The following GSS variants were observed in gnomAD, a reference collection of about 807,000 sequenced individuals.
The protein encoded by GSS is GSH synthetase.
A neutral mutation model predicts 60.4 loss-of-function variants in GSS; 34 were observed. That is an observed-to-expected ratio of 0.56 (90% CI 0.43 to 0.75). GSS has a LOEUF of 0.75. GSS is among the 30% of genes least tolerant of loss of function. GSS has a pLI of 0.00. For missense variants in GSS, 499 were observed against 595.1 expected, an observed-to-expected ratio of 0.84 and a Z score of 1.68; for synonymous variants, 224 against 239.0, an observed-to-expected ratio of 0.94 and a Z score of 0.58.
chr20:34,928,888 C>T lies in GSS; in HGVS notation c.1365G>A (p.Glu455=). 1 of 1,613,972 alleles carries T rather than the reference C, an allele frequency of 6.2e-7. No homozygotes were observed. The highest frequency in any genetic ancestry group is 8.5e-7 in the Non-Finnish European group (1 of 1,179,954). ...VGHLLRTKAI[E]HADGGVAAGV... is the part of the protein sequence containing the mutation. ...CCGCTGCCACACCACCATCTGCATG[C>T]TCGATGGCTTTGGTTCGAAGTAGAT... Residue 455 remains glutamate (E), a synonymous_variant, in exon 13 of 13, where the codon GAG becomes GAA. Coordinates refer to ENST00000651619, the MANE Select transcript of GSS (RefSeq NM_000178.4).
intron 2 of GSS, among the ~76,000 whole-genome samples, chr20:34,947,091 A>G (rs2081528519): frequency 6.6e-6 from 1 of 151,896 alleles, no homozygotes; most frequent in Admixed American, 6.6e-5. Flanking sequence ...TTTTTAAAGT[A>G]CTATTTTTTT....
rs150405875 is a variant in GSS at position 34,936,805 on chromosome 20, A to G, written c.725T>C (p.Ile242Thr). The G allele has an allele frequency of 1.2e-5, 20 of 1,613,966 alleles. No homozygotes were observed. The highest frequency in any genetic ancestry group is 3.3e-5 in the Admixed American group (2 of 59,986). The stretch of plus-strand genomic sequence containing the variant: ...TTGGTCCAGAGACCCCTTTTCAGAG[A>G]TATCTTCAAATGTTCGTCGGATCAC... ...IHVIRRTFEDISEKGSLDQDR... is the reference protein window; with the variant it reads ...IHVIRRTFEDTSEKGSLDQDR... Residue 242 changes from isoleucine (I) to threonine (T), a missense_variant, in exon 8 of 13, where the codon ATC (isoleucine) becomes ACC (threonine). Coordinates refer to ENST00000651619, the MANE Select transcript of GSS (RefSeq NM_000178.4).
At chr20:34,929,620 C>A (rs1312674942) in intron 11 of GSS, 30 bp from the exon 12 acceptor site, 1 of 1,591,254 alleles carries the variant, frequency 6.3e-7, no homozygotes, top group South Asian at 1.1e-5. Flanking sequence ...TCACCCTGGA[C>A]CCTCTGCCTA....
chr20:34,928,821 T>G lies in GSS; in HGVS notation c.*7A>C. The G allele has an allele frequency of 1.2e-6, 2 of 1,614,076 alleles. No individual in the cohort carries two copies. The highest frequency in any genetic ancestry group is 2.2e-5 in the South Asian group (2 of 91,080). ...AGGATAGAAGGTCCCGTGGCCTGGT[T>G]GTGCCCTCACACAGGGTATGGGTTG... On this transcript the variant is annotated 3_prime_UTR_variant, in exon 13 of 13. Coordinates refer to ENST00000651619, the MANE Select transcript of GSS (RefSeq NM_000178.4).
At position 34,941,714 on chromosome 20, in the gene GSS, T is replaced by G; in HGVS notation, c.607A>C (p.Asn203His). The G allele has an allele frequency of 6.5e-7, 1 of 1,545,806 alleles. No individual in the cohort carries two copies. Among genetic ancestry groups the G allele is most frequent in the South Asian group, 1.1e-5 (1 of 89,722 alleles). Residue 203 changes from asparagine to histidine, a missense_variant and splice_region_variant, in exon 6 of 13, where the codon AAT becomes CAT. Transcript: ENST00000651619. ...CCTGCTACCTTTTCACACCCTTACT[T>G]GGGTGAGCCGTAGAGCTCCCAGGCT... is the stretch of plus-strand genomic sequence containing the variant. ...AKAWELYGSP[N>H]ALVLLIAQEK...
intron 2 of GSS, chr20:34,951,503 C>A: frequency 3.6e-6 from 2 of 561,266 alleles, no homozygotes; most frequent in Admixed American, 3.1e-5. Flanking sequence ...CAGCTGAGAG[C>A]GGTTAAGTAA....
chr20:34,939,675 T>G (rs1318325128), intron 6 of GSS, among the ~76,000 whole-genome samples: 1 of 148,798 alleles, frequency 6.7e-6, no homozygotes, highest in African/African-American at 2.5e-5. Flanking sequence ...TGTTTTTTGT[T>G]TTTTTTTTTT....
intron 1 of GSS, 124 bp from the exon 2 acceptor site, chr20:34,951,984 G>C (rs1404395760): frequency 2.2e-6 from 2 of 919,538 alleles, no homozygotes; most frequent in East Asian, 5.0e-5. Context: ...GAACAGCGTG[G>C]TATACAGGAG....
intron 1 of GSS, among the ~76,000 whole-genome samples, chr20:34,954,029 G>A (rs1056349029): frequency 6.6e-6 from 1 of 152,220 alleles, no homozygotes; most frequent in South Asian, 2.1e-4. Flanking sequence ...TTTATAGGTA[G>A]GAGGAGACTT....
rs950173414 is a variant in GSS at position 34,929,439 on chromosome 20, C to A, written c.1263G>T (p.Gln421His). The A allele has an allele frequency of 6.2e-7, 1 of 1,614,210 alleles. No individual in the cohort carries two copies. The highest frequency in any genetic ancestry group is 1.1e-5 in the South Asian group (1 of 91,084). The change falls in exon 12 of 13, where the codon CAG (glutamine) becomes CAT (histidine). Residue 421 changes from glutamine (Q) to histidine (H), a missense_variant. Coordinates refer to ENST00000651619, the MANE Select transcript of GSS (RefSeq NM_000178.4). ...CAAAGATGCCCAGCTCTGAAATGCA[C>A]TGGACCACTCGGGCAGGGCTGCCAG... ...LRPGSPARVV[Q>H]CISELGIFGV...
chr20:34,932,226 T>A (rs2081407775), intron 9 of GSS, 93 bp from the exon 10 acceptor site: 2 of 964,628 alleles, frequency 2.1e-6, no homozygotes, highest in Admixed American at 1.7e-5. Flanking sequence ...GGTATCATGA[T>A]TTGTATCTTC....
rs1042104616 is a variant in GSS, at chr20:34,947,052, G to A, written c.130-954C>T. ...TGTCATTATGGTGGTATAAGTTTAC[G>A]GTGTTAGAACTTGGTATTTAGATAT... On this transcript the variant is annotated intron_variant, in intron 2 of 12. Coordinates refer to ENST00000651619, the MANE Select transcript of GSS (RefSeq NM_000178.4). Among the ~76,000 whole-genome samples, 6 of 151,958 alleles carry A rather than the reference G, an allele frequency of 3.9e-5. No individual in the cohort carries two copies. In the East Asian group the frequency reaches 9.6e-4, roughly 24 times the overall value.
chr20:34,930,979 C>T (rs1398207069), intron 11 of GSS, among the ~76,000 whole-genome samples: 1 of 152,100 alleles, frequency 6.6e-6, no homozygotes, highest in Non-Finnish European at 1.5e-5. Context: ...TAAAAAAATC[C>T]TCTCCTCTGG....
rs1421417764 is a variant in GSS, at chr20:34,929,665, C to A, written c.1112-75G>T. The A allele has an allele frequency of 2.3e-6, 3 of 1,317,360 alleles. No homozygotes were observed. In the Admixed American group the frequency reaches 5.0e-5, roughly 22 times the overall value. The allele number at this position is 1,317,360 out of a possible 1,614,324, so 81.6% of individuals were successfully genotyped here. On this transcript the variant is annotated intron_variant, in intron 11 of 12. Coordinates refer to ENST00000651619, the MANE Select transcript of GSS (RefSeq NM_000178.4). ...TCCCATGCCCTCACTTTTGGGGCCACATGGGCAAGTCAGCAGCCTCAGTTC... is the reference window on the plus strand; with the variant it reads ...TCCCATGCCCTCACTTTTGGGGCCAAATGGGCAAGTCAGCAGCCTCAGTTC...
At chr20:34,937,605 T>C (rs1569012120) in intron 6 of GSS, among the ~76,000 whole-genome samples, 1 of 152,180 alleles carries the variant, frequency 6.6e-6, no homozygotes, top group Non-Finnish European at 1.5e-5. Context: ...TCCTATAATG[T>C]ACACAGGGCC....
chr20:34,946,155 T>A, intron 2 of GSS, 57 bp from the exon 3 acceptor site: 1 of 1,442,276 alleles, frequency 6.9e-7, no homozygotes, highest in Non-Finnish European at 9.6e-7. Context: ...CGGGTTGTCT[T>A]CCTGCAAATG....
At chr20:34,943,263 A>G (rs760330046) in intron 3 of GSS, among the ~76,000 whole-genome samples, 8 of 152,224 alleles carry the variant, frequency 5.3e-5, no homozygotes, top group Non-Finnish European at 7.3e-5. Context: ...GATCTTTAAA[A>G]TGGAGAATAT....
At chr20:34,939,894 T>C (rs2081469635) in intron 6 of GSS, among the ~76,000 whole-genome samples, 1 of 152,090 alleles carries the variant, frequency 6.6e-6, no homozygotes, top group Non-Finnish European at 1.5e-5. Flanking sequence ...GGCCTTGAAC[T>C]CCTGACCTCT....
intron 2 of GSS, among the ~76,000 whole-genome samples, chr20:34,950,776 T>C (rs2081562919): frequency 6.6e-6 from 1 of 152,114 alleles, no homozygotes; most frequent in African/African-American, 2.4e-5. Context: ...GGAATATATT[T>C]ACTTGTTATT....
Sources: gnomAD v4.1 joint callset for allele counts (sites outside exome capture counted in the v4.1 genomes callset) on GRCh38, gnomAD v4.1.1 for gene constraint, MANE v1.5 for transcripts, NCBI Gene and HGNC (gene_info 2026-07-23, HGNC 2026-07-21) for gene names.